Variants in PIK3C2G observed in about 807,000 individuals in gnomAD.
PIK3C2G encodes phosphatidylinositol 3-kinase C2 domain-containing subunit gamma.
PIK3C2G carries 168 observed loss-of-function variants against 181.1 expected under a neutral mutation model. That is an observed-to-expected ratio of 0.93 (90% CI 0.82 to 1.05). The LOEUF (loss-of-function observed/expected upper bound fraction) is 1.05. Ranked by LOEUF, PIK3C2G falls within the 50% of genes least tolerant of loss-of-function variation. PIK3C2G has a pLI of 0.00. For missense variants in PIK3C2G, 1,869 were observed against 1,732.8 expected (o/e 1.08, Z -1.40); for synonymous variants, 573 against 592.2 (o/e 0.97, Z 0.47).
At chr12:18,545,500 C>G (rs1480640331) in intron 25 of PIK3C2G, among the ~76,000 whole-genome samples, 1 of 151,328 alleles carries the variant, frequency 6.6e-6, no homozygotes, top group Non-Finnish European at 1.5e-5. Flanking sequence ...GTGCTGATAA[C>G]AGTCTTCATT....
chr12:18,693,283 C>G, the PIK3C2G span: 1 of 1,520,608 alleles, frequency 6.6e-7, no homozygotes, highest in Non-Finnish European at 9.1e-7. Flanking sequence ...GACATGGATC[C>G]CCTGGTCACA....
At chr12:18,461,268 T>G (rs1335036262) in intron 18 of PIK3C2G, among the ~76,000 whole-genome samples, 1 of 152,194 alleles carries the variant, frequency 6.6e-6, no homozygotes, top group Non-Finnish European at 1.5e-5. Context: ...ACATCATTTA[T>G]TGACTTATTA....
At chr12:18,692,834 G>A in the PIK3C2G span, 2 of 1,580,322 alleles carry the variant, frequency 1.3e-6, no homozygotes, top group East Asian at 4.5e-5. Flanking sequence ...AACAACTCAA[G>A]GACAAGAAAA....
chr12:18,590,775 T>G (rs1431431429), intron 29 of PIK3C2G, among the ~76,000 whole-genome samples: 1 of 151,964 alleles, frequency 6.6e-6, no homozygotes, highest in Admixed American at 6.6e-5. Context: ...TATTGATTTA[T>G]CCCTCTCTTG....
the PIK3C2G span, chr12:18,683,732 A>G: frequency 2.4e-6 from 2 of 820,508 alleles, no homozygotes; most frequent in Non-Finnish European, 3.6e-6. Context: ...AGCCCTGAAA[A>G]GGGGTCAGGA....
chr12:18,589,735 T>C lies in PIK3C2G; in HGVS notation c.4012-4759T>C, dbSNP rs537131455. 2.6e-5 allele frequency among the ~76,000 whole-genome samples: 4 copies of C among 152,164 alleles called. No individual in the cohort carries two copies. In the South Asian group the frequency reaches 6.2e-4, roughly 24 times the overall value. On this transcript the variant is annotated intron_variant, in intron 29 of 32. Transcript: ENST00000538779. ...TGGAGCACTCAGAGAATACAATTTG[T>C]TTAGCACATAAGGAATTTTGCCCAT...
At chr12:18,540,344 C>A (rs1161706539) in intron 25 of PIK3C2G, among the ~76,000 whole-genome samples, 1 of 151,820 alleles carries the variant, frequency 6.6e-6, no homozygotes, top group South Asian at 2.1e-4. Context: ...CCAGATATTT[C>A]AAAAATAAAC....
At chr12:18,254,478 AT>A (rs1382532509) in intron 1 of PIK3C2G, among the ~76,000 whole-genome samples, 10 of 151,942 alleles carry the variant, frequency 6.6e-5, no homozygotes, top group Admixed American at 4.6e-4. Flanking sequence ...AAACATATAT[AT>A]TTTATTATAA....
At chr12:18,394,444 A>G (rs964858339) in intron 15 of PIK3C2G, among the ~76,000 whole-genome samples, 32 of 152,248 alleles carry the variant, frequency 2.1e-4, no homozygotes, top group Admixed American at 2.1e-3. Flanking sequence ...AAATAATTGG[A>G]AAGAATCAGG....
rs1355916927 is a variant in PIK3C2G at position 18,505,461 on chromosome 12, G to A, written c.3323G>A (p.Arg1108Lys). The A allele has an allele frequency of 3.1e-6, 5 of 1,610,032 alleles. No homozygotes were observed. The African/African-American group carries it at 5.3e-5, about 17-fold the overall frequency. The change falls in exon 24 of 33, where the codon AGG becomes AAG. Residue 1108 changes from arginine (R) to lysine (K), a missense_variant and splice_region_variant. By Grantham distance (26) the Arg-to-Lys change is conservative. Coordinates refer to ENST00000538779, the MANE Select transcript of PIK3C2G (RefSeq NM_001288772.2). ...GCACAAACATTTGGAGGGATAAAAA[G>A]GTCAGTGCACAAATGTTTATTACAG... ...GHAQTFGGIKRDRAPFIFTSE... is the reference protein window; with the variant it reads ...GHAQTFGGIKKDRAPFIFTSE...
At chr12:18,574,891 A>G in intron 29 of PIK3C2G, among the ~76,000 whole-genome samples, 1 of 152,176 alleles carries the variant, frequency 6.6e-6, no homozygotes, top group East Asian at 1.9e-4. Context: ...TACATGCTAT[A>G]TAATAGATTG....
At chr12:18,356,512 C>G (rs1255853996) in intron 11 of PIK3C2G, among the ~76,000 whole-genome samples, 1 of 152,140 alleles carries the variant, frequency 6.6e-6, no homozygotes, top group Non-Finnish European at 1.5e-5. Flanking sequence ...TTTAGCTTTG[C>G]CATCCACGGA....
chr12:18,309,871 C>A (rs1950568412), intron 5 of PIK3C2G, among the ~76,000 whole-genome samples: 1 of 151,608 alleles, frequency 6.6e-6, no homozygotes, highest in South Asian at 2.1e-4. Flanking sequence ...TATATTATGC[C>A]CACGCACTTT....
At chr12:18,569,911 T>A (rs574066865) in intron 29 of PIK3C2G, among the ~76,000 whole-genome samples, 2 of 152,192 alleles carry the variant, frequency 1.3e-5, no homozygotes, top group Admixed American at 6.5e-5. Flanking sequence ...CATTTTTCTA[T>A]TGAATAATTT....
the PIK3C2G span, chr12:18,693,493 A>G: frequency 1.9e-6 from 3 of 1,609,956 alleles, no homozygotes; most frequent in South Asian, 3.3e-5. Context: ...CCAAAGCAGT[A>G]GCAAACCAAA....
intron 5 of PIK3C2G, among the ~76,000 whole-genome samples, chr12:18,307,080 C>T (rs1950450877): frequency 6.7e-6 from 1 of 148,478 alleles, no homozygotes; most frequent in African/African-American, 2.5e-5. Context: ...ATCTAGGATG[C>T]TTACTTGCTC....
chr12:18,341,773 A>C (rs1294481131), intron 9 of PIK3C2G, among the ~76,000 whole-genome samples: 1 of 152,144 alleles, frequency 6.6e-6, no homozygotes, highest in African/African-American at 2.4e-5. Flanking sequence ...CTTAAGATTG[A>C]AGAAATGACA....
At chr12:18,561,266 G>C (rs555974478) in intron 26 of PIK3C2G, among the ~76,000 whole-genome samples, 18 of 152,244 alleles carry the variant, frequency 1.2e-4, no homozygotes, top group East Asian at 5.8e-4. Flanking sequence ...GAGTTCAATT[G>C]TACTATACGG....
At chr12:18,621,854 T>TTCCACCTTTATATTAACA (rs1948879412) in intron 31 of PIK3C2G, among the ~76,000 whole-genome samples, 1 of 151,794 alleles carries the variant, frequency 6.6e-6, no homozygotes, top group Non-Finnish European at 1.5e-5. Flanking sequence ...CCTGAAATTA[T>TTCCACCTTTATATTAACA]TCCACCTTTA....
Sources: allele counts gnomAD v4.1 joint callset (sites outside exome capture counted in the v4.1 genomes callset), GRCh38; gene constraint gnomAD v4.1.1; transcripts MANE v1.5; gene names NCBI Gene and HGNC (gene_info 2026-07-23, HGNC 2026-07-21).